COLEC12: variants seen among roughly 807,000 people sequenced by gnomAD.
The protein encoded by COLEC12 is collectin subfamily member 12.
Under a neutral mutation model 71.1 loss-of-function variants are expected in COLEC12, and 33 were observed. The observed-to-expected ratio is 0.46, with a 90% CI of 0.35 to 0.62. The LOEUF (loss-of-function observed/expected upper bound fraction) is 0.62. Among genes scored for constraint, COLEC12 ranks in the 20% least tolerant of loss-of-function variants. The probability of loss-of-function intolerance (pLI) is 0.00; values close to 1 mark genes in which losing one functional copy is unlikely to be tolerated. For synonymous variants in COLEC12, 350 were observed against 353.0 expected, an observed-to-expected ratio of 0.99 and a Z score of 0.10; for missense variants, 765 against 916.1, an observed-to-expected ratio of 0.84 and a Z score of 2.13.
chr18:436,209 G>A (rs893253797), intron 2 of COLEC12, among the ~76,000 whole-genome samples: 10 of 152,168 alleles, frequency 6.6e-5, no homozygotes, highest in African/African-American at 2.4e-4. Flanking sequence ...TTATTTTGCA[G>A]GCAATAAAGG....
intron 3 of COLEC12, among the ~76,000 whole-genome samples, chr18:354,832 C>T (rs1914596218): frequency 6.6e-6 from 1 of 152,078 alleles, no homozygotes; most frequent in Non-Finnish European, 1.5e-5. Context: ...CATCTCGTTT[C>T]CCCTTGTACT....
chr18:386,255 T>G (rs972537849), intron 2 of COLEC12, among the ~76,000 whole-genome samples: 28 of 152,202 alleles, frequency 1.8e-4, no homozygotes, highest in African/African-American at 6.5e-4. Context: ...TATTGAACAT[T>G]GTTGAGCACC....
intron 2 of COLEC12, among the ~76,000 whole-genome samples, chr18:396,582 C>A (rs1238591296): frequency 6.6e-6 from 1 of 152,252 alleles, no homozygotes; most frequent in Admixed American, 6.5e-5. Context: ...GGTTTTGGCT[C>A]TATTCTGCCA....
chr18:480,681 A>G lies in COLEC12; in HGVS notation c.58+26T>C. ...CTGCATCCCAGGTTGACCACTGAGA[A>G]GGAACACAGCTTTGTTAGGACTCAC... On this transcript the variant is annotated intron_variant, in intron 2 of 9. Transcript: ENST00000400256. The surrounding 1 kb of genome is among the most constrained non-coding windows in gnomAD (Gnocchi z 4.1). 1.2e-6 allele frequency: 2 copies of G among 1,609,438 alleles called. No individual in the cohort carries two copies. Among genetic ancestry groups the G allele is most frequent in the Non-Finnish European group, 1.7e-6 (2 of 1,175,788 alleles).
chr18:339,510 A>G (rs1226936170), intron 5 of COLEC12, among the ~76,000 whole-genome samples: 1 of 148,538 alleles, frequency 6.7e-6, no homozygotes, highest in Non-Finnish European at 1.5e-5. Context: ...AAAGATCTCC[A>G]GTTCTACTTG....
rs374031755 is a variant in COLEC12 at position 444,308 on chromosome 18, A to G, written c.58+36399T>C. Reference sequence around the variant, plus strand: ...TCAGATAAAAAATAGACAAATGTTTATTTTTGTTTATTCTATGTTTATACC... The same window carrying G: ...TCAGATAAAAAATAGACAAATGTTTGTTTTTGTTTATTCTATGTTTATACC... On this transcript the variant is annotated intron_variant, in intron 2 of 9. Transcript: ENST00000400256. Among the ~76,000 whole-genome samples, 9 of 152,332 alleles carry G rather than the reference A, an allele frequency of 5.9e-5. No individual in the cohort carries two copies. The East Asian group carries it at 1.2e-3, about 20-fold the overall frequency.
rs190979340 is a variant in COLEC12, at chr18:358,229, A to G, written c.59-707T>C. 1.5e-3 allele frequency among the ~76,000 whole-genome samples: 235 copies of G among 152,298 alleles called. 1 individual carries two copies. Among genetic ancestry groups the G allele is most frequent in the African/African-American group, 5.4e-3 (226 of 41,568 alleles). On this transcript the variant is annotated intron_variant, in intron 2 of 9. Coordinates refer to ENST00000400256, the MANE Select transcript of COLEC12 (RefSeq NM_130386.3). ...ACTTACACAGTCCTAGATGGTATAG[A>G]CCAGCGGTCCCCATCTTCTTCCCCA...
rs1272594298 is a variant in COLEC12 at position 408,216 on chromosome 18, CTCCAGGT to C, written c.59-50701_59-50695del. Among the ~76,000 whole-genome samples, 2 of 152,184 alleles carry C rather than the reference CTCCAGGT, an allele frequency of 1.3e-5. No individual in the cohort carries two copies. The highest frequency in any genetic ancestry group is 2.9e-5 in the Non-Finnish European group (2 of 68,034). On this transcript the variant is annotated intron_variant, in intron 2 of 9. Coordinates refer to ENST00000400256, the MANE Select transcript of COLEC12 (RefSeq NM_130386.3). This position sits in a 1 kb window ranked among gnomAD's most constrained non-coding sequence, Gnocchi z 4.3. ...TTATCACAAGTTATTTAACCCTAAA[CTCCAGGT>C]TCCTAATTGGGAAACTAGGTACAAT...
intron 2 of COLEC12, among the ~76,000 whole-genome samples, chr18:453,039 A>G (rs1452388619): frequency 6.6e-6 from 1 of 152,256 alleles, no homozygotes; most frequent in African/African-American, 2.4e-5. Context: ...CACACTGCCA[A>G]GTCCATCTTC....
Position 319,502 on chromosome 18 carries a change from G to C in COLEC12, c.*543C>G, listed in dbSNP as rs541418708. ...TTTCTTTGGCTCCATGTATTATGTC[G>C]GTAAAATGACAAAAAAAAAAAAAGG... is the stretch of plus-strand genomic sequence containing the variant. On this transcript the variant is annotated 3_prime_UTR_variant, in exon 10 of 10. Coordinates refer to ENST00000400256, the MANE Select transcript of COLEC12 (RefSeq NM_130386.3). 2 of 138,974 alleles carry C rather than the reference G, an allele frequency of 1.4e-5. No individual in the cohort carries two copies. The highest frequency in any genetic ancestry group is 5.4e-5 in the African/African-American group (2 of 37,294). 8.6% of individuals were successfully genotyped at this position (138,974 alleles called of 1,614,324 possible).
chr18:379,390 A>G (rs771691024), intron 2 of COLEC12, among the ~76,000 whole-genome samples: 1 of 152,148 alleles, frequency 6.6e-6, no homozygotes, highest in African/African-American at 2.4e-5. Context: ...GTCTCCCAAA[A>G]TGCCGGGATT....
chr18:328,382 C>T (rs1490542176), intron 8 of COLEC12, among the ~76,000 whole-genome samples: 2 of 152,142 alleles, frequency 1.3e-5, no homozygotes, highest in African/African-American at 4.8e-5. Context: ...GAAGCCCAGT[C>T]CCCATTCCCA....
chr18:462,637 T>C (rs1435520360), intron 2 of COLEC12, among the ~76,000 whole-genome samples: 3 of 152,226 alleles, frequency 2.0e-5, no homozygotes, highest in Non-Finnish European at 4.4e-5. Flanking sequence ...AAAAAACTAC[T>C]GAACTGGTAC....
At chr18:323,775 G>T (rs1913770810) in intron 8 of COLEC12, among the ~76,000 whole-genome samples, 1 of 152,092 alleles carries the variant, frequency 6.6e-6, no homozygotes, top group African/African-American at 2.4e-5. Context: ...TGATATTCTT[G>T]ACTTCTCAGT....
intron 9 of COLEC12, among the ~76,000 whole-genome samples, chr18:320,795 T>A (rs1011581074): frequency 1.3e-5 from 2 of 152,158 alleles, no homozygotes; most frequent in Admixed American, 6.5e-5. Context: ...CTCATTCTGG[T>A]GAAGAAAACT....
At chr18:322,658 T>A (rs1447675260) in intron 8 of COLEC12, among the ~76,000 whole-genome samples, 1 of 152,250 alleles carries the variant, frequency 6.6e-6, no homozygotes, top group Non-Finnish European at 1.5e-5. Flanking sequence ...AGCTTGTGGC[T>A]GCTGCCTGAG....
chr18:476,594 A>G (rs1373502625), intron 2 of COLEC12, among the ~76,000 whole-genome samples: 1 of 152,070 alleles, frequency 6.6e-6, no homozygotes, highest in East Asian at 1.9e-4. Context: ...CCCCCGCCCC[A>G]GTGCAGAAAG....
At chr18:373,833 G>A (rs1349620935) in intron 2 of COLEC12, among the ~76,000 whole-genome samples, 4 of 152,056 alleles carry the variant, frequency 2.6e-5, no homozygotes, top group Non-Finnish European at 5.9e-5. Context: ...ACCGAATGAT[G>A]CCAATATGAG....
At chr18:460,228 T>C (rs1277600198) in intron 2 of COLEC12, among the ~76,000 whole-genome samples, 9 of 152,122 alleles carry the variant, frequency 5.9e-5, no homozygotes, top group Non-Finnish European at 1.0e-4. Context: ...TAAATTTTAT[T>C]CTTCTTCCGT....
Sources: gnomAD v4.1 joint callset for allele counts (sites outside exome capture counted in the v4.1 genomes callset) on GRCh38, gnomAD v4.1.1 for gene constraint, Gnocchi (gnomAD v3.1) non-coding constraint, MANE v1.5 for transcripts, NCBI Gene and HGNC (gene_info 2026-07-23, HGNC 2026-07-21) for gene names.